CTXN2: variants seen among roughly 807,000 people sequenced by gnomAD.
CTXN2 encodes cortexin-2.
CTXN2 carries 3 observed loss-of-function variants against 5.7 expected under a neutral mutation model. That is an observed-to-expected ratio of 0.53 (90% CI 0.24 to 1.36). The LOEUF is 1.36. Among genes scored for constraint, CTXN2 ranks in the 40% most tolerant of loss-of-function variants. The pLI is 0.17. For synonymous variants in CTXN2, 38 were observed against 36.4 expected, an observed-to-expected ratio of 1.04 and a Z score of -0.16; for missense variants, 87 against 93.0, an observed-to-expected ratio of 0.94 and a Z score of 0.26.
At chr15:48,179,462 AT>A (rs1186823439) in intron 1 of CTXN2, among the ~76,000 whole-genome samples, 1 of 152,010 alleles carries the variant, frequency 6.6e-6, no homozygotes, top group Non-Finnish European at 1.5e-5. Flanking sequence ...TAATCAGAAC[AT>A]TTTAATGATA....
intron 1 of CTXN2, among the ~76,000 whole-genome samples, chr15:48,200,219 C>T (rs1473656693): frequency 6.6e-6 from 1 of 152,024 alleles, no homozygotes; most frequent in Non-Finnish European, 1.5e-5. Flanking sequence ...GTCTATTATT[C>T]GCAGTTATTG....
intron 1 of CTXN2, among the ~76,000 whole-genome samples, chr15:48,184,787 CTG>C (rs1390340051): frequency 6.6e-6 from 1 of 152,108 alleles, no homozygotes; most frequent in Non-Finnish European, 1.5e-5. Context: ...AACAATCACG[CTG>C]TTAGTTATTT....
intron 1 of CTXN2, among the ~76,000 whole-genome samples, chr15:48,200,155 T>C (rs995949144): frequency 6.6e-6 from 1 of 152,126 alleles, no homozygotes; most frequent in Non-Finnish European, 1.5e-5. Flanking sequence ...TTTTAATACA[T>C]ATAAGTCTTA....
chr15:48,182,986 G>T (rs1401858578), intron 1 of CTXN2, among the ~76,000 whole-genome samples: 1 of 152,104 alleles, frequency 6.6e-6, no homozygotes, highest in African/African-American at 2.4e-5. Context: ...TACCCACAAA[G>T]TTACCTGCAG....
At chr15:48,191,544 G>A (rs2040822268), upstream of CTXN2, 1 of 370,306 alleles carries the variant, frequency 2.7e-6, no homozygotes, top group South Asian at 2.0e-5. Context: ...TACACACACA[G>A]ATGCTGCCAC....
upstream of CTXN2, chr15:48,189,146 A>G (rs2040788535): frequency 6.6e-6 from 1 of 152,190 alleles, no homozygotes; most frequent in Non-Finnish European, 1.5e-5. Context: ...TGCACCAACT[A>G]ATACCAAGGA....
rs1444987377 is a variant in CTXN2 at position 48,202,101 on chromosome 15, G to A, written c.*555G>A. 5.9e-6 allele frequency: 1 copy of A among 170,114 alleles called. No homozygotes were observed. Among genetic ancestry groups the A allele is most frequent in the Non-Finnish European group, 1.4e-5 (1 of 70,128 alleles). The allele number at this position is 170,114 out of a possible 1,614,324, so 10.5% of individuals were successfully genotyped here. ...GCCCTAAAGCTCCCCAAATTTCACA[G>A]AGCCCTGACCCTCCTATCTCTTCTG... On this transcript the variant is annotated 3_prime_UTR_variant, in exon 2 of 2. Transcript: ENST00000417307.
intron 1 of CTXN2, among the ~76,000 whole-genome samples, chr15:48,184,937 A>G (rs2140969779): frequency 6.6e-6 from 1 of 152,316 alleles, no homozygotes; most frequent in Non-Finnish European, 1.5e-5. Flanking sequence ...ACTGTGGCAT[A>G]TCCATACAAT....
At chr15:48,181,567 T>G (rs1272839799) in intron 1 of CTXN2, among the ~76,000 whole-genome samples, 1 of 152,118 alleles carries the variant, frequency 6.6e-6, no homozygotes, top group Non-Finnish European at 1.5e-5. Context: ...TTTTTTTAAT[T>G]TATTTTGTCT....
chr15:48,203,550 G>T lies in CTXN2; in HGVS notation c.*2004G>T, dbSNP rs2040944097. 1 of 166,922 alleles carries T rather than the reference G, an allele frequency of 6.0e-6. No homozygotes were observed. Among genetic ancestry groups the T allele is most frequent in the South Asian group, 2.1e-4 (1 of 4,794 alleles). 10.3% of individuals were successfully genotyped at this position (166,922 alleles called of 1,614,324 possible). On this transcript the variant is annotated 3_prime_UTR_variant, in exon 2 of 2. Coordinates refer to ENST00000417307, the MANE Select transcript of CTXN2 (RefSeq NM_001145668.2). ...GATGTTTCATTTGTCTCCCAGAGAAGACACCCACCAAGACCCTCCATTTTG... is the reference window on the plus strand; with the variant it reads ...GATGTTTCATTTGTCTCCCAGAGAATACACCCACCAAGACCCTCCATTTTG...
At chr15:48,180,821 T>G (rs1026853840) in intron 1 of CTXN2, among the ~76,000 whole-genome samples, 1 of 152,224 alleles carries the variant, frequency 6.6e-6, no homozygotes, top group Non-Finnish European at 1.5e-5. Flanking sequence ...TGGTTTTTTG[T>G]TTTTTGTTTG....
Position 48,201,703 on chromosome 15 carries a change from C to T in CTXN2, c.*157C>T, listed in dbSNP as rs2040931106. ...TTCACCATGCTGTGTAAATGATAAA[C>T]TATTGTTGGGATTCCTCACTTTCCT... is the stretch of plus-strand genomic sequence containing the variant. On this transcript the variant is annotated 3_prime_UTR_variant, in exon 2 of 2. Coordinates refer to ENST00000417307, the MANE Select transcript of CTXN2 (RefSeq NM_001145668.2). 6.6e-6 allele frequency: 5 copies of T among 758,238 alleles called. No homozygotes were observed. In the East Asian group the frequency reaches 1.4e-4, roughly 21 times the overall value. The allele number at this position is 758,238 out of a possible 1,614,324, so 47.0% of individuals were successfully genotyped here. A position where few individuals can be genotyped will look rare whatever the true frequency, so the allele number is the denominator to read the frequency against.
At chr15:48,191,053 C>A (rs2040815034), upstream of CTXN2, 1 of 152,318 alleles carries the variant, frequency 6.6e-6, no homozygotes, top group Non-Finnish European at 1.5e-5. Flanking sequence ...AGCGCCTAGG[C>A]GCCTTCTCCT....
In CTXN2 at chr15:48,191,760, C is replaced by T. The variant is rs1481217392; in HGVS notation, c.-151C>T. 1 of 456,056 alleles carries T rather than the reference C, an allele frequency of 2.2e-6. No individual in the cohort carries two copies. Among genetic ancestry groups the T allele is most frequent in the Admixed American group, 2.3e-5 (1 of 42,576 alleles). The allele number at this position is 456,056 out of a possible 1,614,324, so 28.3% of individuals were successfully genotyped here. ...CGCAGGTTCCAGAACACGCCTTCTA[C>T]ATTTGTTACTGAACCGATCAGCGAA... On this transcript the variant is annotated 5_prime_UTR_variant, in exon 1 of 2. Transcript: ENST00000417307.
chr15:48,184,487 A>G (rs1262675284), intron 1 of CTXN2, among the ~76,000 whole-genome samples: 1 of 152,226 alleles, frequency 6.6e-6, no homozygotes, highest in African/African-American at 2.4e-5. Context: ...CATATCTAAT[A>G]AAGAACTTAT....
upstream of CTXN2, among the ~76,000 whole-genome samples, chr15:48,190,612 T>A (rs985364788): frequency 2.0e-5 from 3 of 152,074 alleles, no homozygotes; most frequent in Non-Finnish European, 2.9e-5. Flanking sequence ...TCAAAGTATT[T>A]TCTTTAGATG....
At chr15:48,189,734 G>A (rs1014700188), upstream of CTXN2, among the ~76,000 whole-genome samples, 4 of 152,170 alleles carry the variant, frequency 2.6e-5, no homozygotes, top group Non-Finnish European at 5.9e-5. Context: ...GGAATAAAAT[G>A]ATCTCCTTTC....
At chr15:48,194,173 T>C (rs1024524958) in intron 1 of CTXN2, among the ~76,000 whole-genome samples, 1 of 152,046 alleles carries the variant, frequency 6.6e-6, no homozygotes, top group Admixed American at 6.5e-5. Flanking sequence ...GCCTGTTTTC[T>C]CTTTTAAGAT....
At chr15:48,189,735 A>T (rs963128784), upstream of CTXN2, among the ~76,000 whole-genome samples, 4 of 152,176 alleles carry the variant, frequency 2.6e-5, no homozygotes, top group Non-Finnish European at 5.9e-5. Context: ...GAATAAAATG[A>T]TCTCCTTTCC....
Sources: gnomAD v4.1 joint callset for allele counts (sites outside exome capture counted in the v4.1 genomes callset) on GRCh38, gnomAD v4.1.1 for gene constraint, MANE v1.5 for transcripts, NCBI Gene and HGNC (gene_info 2026-07-23, HGNC 2026-07-21) for gene names.